PLCE1: variants seen among roughly 807,000 people sequenced by gnomAD.
PLCE1 encodes the protein phospholipase C epsilon 1, also known as 1-phosphatidylinositol 4,5-bisphosphate phosphodiesterase epsilon-1.
Under a neutral mutation model 242.8 loss-of-function variants are expected in PLCE1, and 119 were observed. The ratio of observed to expected loss-of-function variants is 0.49; its 90% confidence interval spans 0.42 to 0.57. PLCE1 has a LOEUF of 0.57. Ranked by LOEUF, PLCE1 falls within the 20% of genes least tolerant of loss-of-function variation. The pLI, the probability that PLCE1 is intolerant of heterozygous loss-of-function variation, is 0.00. For synonymous variants in PLCE1, 945 were observed against 1,017.4 expected (o/e 0.93, Z 1.35); for missense variants, 2,441 against 2,788.8 (o/e 0.88, Z 2.81).
At chr10:94,048,756 T>G (rs137956930) in intron 2 of PLCE1, among the ~76,000 whole-genome samples, 101 of 146,464 alleles carry the variant, frequency 6.9e-4, no homozygotes, top group Non-Finnish European at 1.1e-3. Flanking sequence ...CACATATATA[T>G]AGAGAGAGAG....
chr10:94,230,775 T>C (rs1396144830), intron 5 of PLCE1, among the ~76,000 whole-genome samples: 1 of 152,064 alleles, frequency 6.6e-6, no homozygotes, highest in Non-Finnish European at 1.5e-5. Context: ...ACAATGGCTA[T>C]TTAAAAAAAT....
intron 20 of PLCE1, 155 bp downstream of exon 20, chr10:94,280,066 C>T: frequency 2.6e-6 from 2 of 776,064 alleles, no homozygotes; most frequent in Non-Finnish European, 4.3e-6. Context: ...TTAGCAAGGA[C>T]CGAGGAAGGA....
intron 5 of PLCE1, among the ~76,000 whole-genome samples, chr10:94,228,950 G>A (rs1412249050): frequency 2.0e-5 from 3 of 152,156 alleles, no homozygotes; most frequent in Admixed American, 6.5e-5. Flanking sequence ...GGGAGGCCAA[G>A]GTGGGTAGAT....
chr10:94,183,831 A>T (rs898622300), intron 4 of PLCE1, among the ~76,000 whole-genome samples: 39 of 152,226 alleles, frequency 2.6e-4, no homozygotes, highest in African/African-American at 8.7e-4. Context: ...GAAAAGGGGG[A>T]TGTCCCAGAC....
intron 4 of PLCE1, among the ~76,000 whole-genome samples, chr10:94,219,418 A>G (rs2049645105): frequency 1.3e-5 from 2 of 152,206 alleles, no homozygotes; most frequent in South Asian, 4.2e-4. Context: ...CTTCTTAGGC[A>G]GGCTTTCCTT....
At chr10:94,262,159 C>A (rs146735118) in intron 13 of PLCE1, among the ~76,000 whole-genome samples, 1 of 152,012 alleles carries the variant, frequency 6.6e-6, no homozygotes, top group African/African-American at 2.4e-5. Flanking sequence ...CACCACCATG[C>A]CTGGCTAATT....
At chr10:94,180,525 C>T (rs190448171) in intron 4 of PLCE1, among the ~76,000 whole-genome samples, 12 of 152,266 alleles carry the variant, frequency 7.9e-5, no homozygotes, top group Non-Finnish European at 1.8e-4. Flanking sequence ...AAGATTGCCC[C>T]CAAAATCTAA....
chr10:94,313,484 A>C, intron 28 of PLCE1, 102 bp downstream of exon 28: 1 of 1,348,658 alleles, frequency 7.4e-7, no homozygotes, highest in Non-Finnish European at 1.1e-6. Flanking sequence ...GATGCACATG[A>C]ATGCGCAAAA....
intron 3 of PLCE1, among the ~76,000 whole-genome samples, chr10:94,141,312 G>A (rs921878784): frequency 2.6e-5 from 4 of 152,174 alleles, no homozygotes; most frequent in African/African-American, 9.7e-5. Flanking sequence ...TCCATTCCTA[G>A]GTGTGAATAC....
chr10:94,224,142 TATG>T (rs2049859935), intron 4 of PLCE1, among the ~76,000 whole-genome samples: 2 of 152,126 alleles, frequency 1.3e-5, no homozygotes, highest in Non-Finnish European at 2.9e-5. Flanking sequence ...TGTGTGTGTT[TATG>T]ATAACAGTGC....
chr10:93,998,899 T>G (rs1193775695), intron 1 of PLCE1, among the ~76,000 whole-genome samples: 1 of 152,064 alleles, frequency 6.6e-6, no homozygotes, highest in Admixed American at 6.5e-5. Context: ...TAATCTCGAG[T>G]GTTCTTAGAA....
intron 4 of PLCE1, among the ~76,000 whole-genome samples, chr10:94,184,068 T>C (rs562431239): frequency 6.6e-6 from 1 of 152,186 alleles, no homozygotes; most frequent in South Asian, 2.1e-4. Flanking sequence ...AAATACCCCC[T>C]GAATTGGCCT....
At chr10:94,202,049 G>T (rs1163048711) in intron 4 of PLCE1, among the ~76,000 whole-genome samples, 1 of 152,134 alleles carries the variant, frequency 6.6e-6, no homozygotes, top group Non-Finnish European at 1.5e-5. Context: ...TGGTTTTAGG[G>T]GTTTTTGTGT....
intron 4 of PLCE1, among the ~76,000 whole-genome samples, chr10:94,205,210 T>C (rs1009431074): frequency 3.3e-5 from 5 of 152,144 alleles, no homozygotes; most frequent in Non-Finnish European, 7.4e-5. Context: ...TCCACCACCT[T>C]TCCATTCCCC....
intron 3 of PLCE1, among the ~76,000 whole-genome samples, chr10:94,156,730 A>G (rs1459859355): frequency 1.3e-5 from 2 of 152,120 alleles, no homozygotes; most frequent in African/African-American, 4.8e-5. Context: ...CCAAGCTTGT[A>G]ATCATGCCTT....
At chr10:94,089,389 G>GT in intron 2 of PLCE1, 1 of 1,562,356 alleles carries the variant, frequency 6.4e-7, no homozygotes, top group African/African-American at 1.4e-5. Context: ...AAGGGTTCTT[G>GT]TTGTCTAAGA....
At chr10:94,085,362 C>T (rs553318487) in intron 2 of PLCE1, among the ~76,000 whole-genome samples, 4 of 152,102 alleles carry the variant, frequency 2.6e-5, no homozygotes, top group Non-Finnish European at 5.9e-5. Context: ...GAATTGATGA[C>T]CACAGAAGGC....
chr10:94,186,723 G>A (rs532866732), intron 4 of PLCE1, among the ~76,000 whole-genome samples: 1 of 152,304 alleles, frequency 6.6e-6, no homozygotes, highest in South Asian at 2.1e-4. Context: ...TCCATTTTGT[G>A]TCTCCTCTGT....
rs1213773441 is a variant in PLCE1 at position 94,031,431 on chromosome 10, G to C, written c.385G>C (p.Val129Leu). The C allele has an allele frequency of 3.7e-6, 6 of 1,613,638 alleles. No homozygotes were observed. The highest frequency in any genetic ancestry group is 4.2e-6 in the Non-Finnish European group (5 of 1,179,854). Residue 129 changes from valine (V) to leucine (L), a missense_variant, in exon 2 of 33, where the codon GTT becomes CTT. Transcript: ENST00000371380. ...ACAATTTTATGAAATGTACAACTCT[G>C]TTGCTGAGGAAGACTTGTGTTTAGA... ...QRQFYEMYNS[V>L]AEEDLCLETG...
Sources: gnomAD v4.1 joint callset for allele counts (sites outside exome capture counted in the v4.1 genomes callset) on GRCh38, gnomAD v4.1.1 for gene constraint, MANE v1.5 for transcripts, NCBI Gene and HGNC (gene_info 2026-07-23, HGNC 2026-07-21) for gene names.